SPRED2: variants seen among roughly 807,000 people sequenced by gnomAD.
SPRED2 encodes sprouty-related, EVH1 domain-containing protein 2.
A neutral mutation model predicts 43.0 loss-of-function variants in SPRED2; 47 were observed. That is an observed-to-expected ratio of 1.09 (90% CI 0.87 to 1.40). The LOEUF (loss-of-function observed/expected upper bound fraction) is 1.40. Among genes scored for constraint, SPRED2 ranks in the 40% most tolerant of loss-of-function variants. The probability of loss-of-function intolerance (pLI) is 0.00; values close to 1 mark genes in which losing one functional copy is unlikely to be tolerated. For missense variants in SPRED2, 561 were observed against 586.4 expected (o/e 0.96, Z 0.45); for synonymous variants, 225 against 225.7 (o/e 1.00, Z 0.03).
chr2:65,401,933 G>GCA (rs141434693), intron 1 of SPRED2, among the ~76,000 whole-genome samples: 3,940 of 83,584 alleles, frequency 0.047, 105 homozygotes, highest in South Asian at 0.11. Context: ...ATTAGCGCGC[G>GCA]CGCGCACACA....
At chr2:65,345,712 G>T (rs1036617817) in intron 1 of SPRED2, among the ~76,000 whole-genome samples, 1 of 152,190 alleles carries the variant, frequency 6.6e-6, no homozygotes, top group Admixed American at 6.5e-5. Context: ...ATGAAATCAC[G>T]TATCTAGGTA....
At chr2:65,401,006 C>G (rs1318715271) in intron 1 of SPRED2, among the ~76,000 whole-genome samples, 1 of 152,086 alleles carries the variant, frequency 6.6e-6, no homozygotes, top group Non-Finnish European at 1.5e-5. Context: ...CTCACTCTGT[C>G]GCCTAGGCTG....
chr2:65,314,125 G>A lies in SPRED2; in HGVS notation c.633C>T (p.Asp211=), dbSNP rs1417956360. 4.4e-6 allele frequency: 7 copies of A among 1,605,276 alleles called. No homozygotes were observed. Among genetic ancestry groups the A allele is most frequent in the Non-Finnish European group, 6.0e-6 (7 of 1,172,736 alleles). The change falls in exon 6 of 6, where the codon GAC becomes GAT. Residue 211 remains aspartate, a synonymous_variant. Coordinates refer to ENST00000356388, the MANE Select transcript of SPRED2 (RefSeq NM_181784.3). Reference sequence around the variant, plus strand: ...GGGGGTTGATGCGCACGATCTCCTCGTCGTCGTCCGGGAAGCTCACCTGGC... The same window carrying A: ...GGGGGTTGATGCGCACGATCTCCTCATCGTCGTCCGGGAAGCTCACCTGGC... ...PYRQVSFPDD[D]EEIVRINPRE...
intron 1 of SPRED2, among the ~76,000 whole-genome samples, chr2:65,354,243 T>A (rs1674585411): frequency 6.6e-6 from 1 of 152,192 alleles, no homozygotes; most frequent in Non-Finnish European, 1.5e-5. Context: ...GAGCTTCTAG[T>A]GCCCCCATCA....
intron 4 of SPRED2, among the ~76,000 whole-genome samples, chr2:65,329,747 C>T (rs537469352): frequency 4.4e-4 from 67 of 152,304 alleles, no homozygotes; most frequent in South Asian, 2.3e-3. Flanking sequence ...CCTTTTAACC[C>T]GCCTGCTGTT....
At chr2:65,386,559 T>C (rs1572886401) in intron 1 of SPRED2, among the ~76,000 whole-genome samples, 1 of 152,258 alleles carries the variant, frequency 6.6e-6, no homozygotes, top group Non-Finnish European at 1.5e-5. Context: ...CTTCTGATTA[T>C]GCAACACCCA....
At chr2:65,349,875 A>G (rs1674460319) in intron 1 of SPRED2, among the ~76,000 whole-genome samples, 2 of 152,356 alleles carry the variant, frequency 1.3e-5, no homozygotes, top group South Asian at 4.1e-4. Context: ...GGGGAGGCTC[A>G]GGGGCAGAAG....
At chr2:65,340,663 T>C (rs1250345552) in intron 2 of SPRED2, among the ~76,000 whole-genome samples, 1 of 152,204 alleles carries the variant, frequency 6.6e-6, no homozygotes, top group African/African-American at 2.4e-5. Flanking sequence ...TACTCGTGAA[T>C]GGTTGTCTGG....
At chr2:65,410,014 G>A in intron 1 of SPRED2, among the ~76,000 whole-genome samples, 1 of 147,700 alleles carries the variant, frequency 6.8e-6, no homozygotes, top group African/African-American at 2.5e-5. Context: ...TGGTAACAGA[G>A]TGAGACTCTG....
chr2:65,432,086 T>C lies in SPRED2; in HGVS notation c.-99A>G. ...CTTCTTCACATCTCCGGAGATCGCC[T>C]GATTTGGGGAGGGGGGGCGGCTAGA... On this transcript the variant is annotated 5_prime_UTR_variant, in exon 1 of 6. Coordinates refer to ENST00000356388, the MANE Select transcript of SPRED2 (RefSeq NM_181784.3). 2 of 1,492,678 alleles carry C rather than the reference T, an allele frequency of 1.3e-6. No individual in the cohort carries two copies. Among genetic ancestry groups the C allele is most frequent in the South Asian group, 2.3e-5 (2 of 87,020 alleles). 92.5% of individuals were successfully genotyped at this position (1,492,678 alleles called of 1,614,324 possible).
At chr2:65,404,016 C>T (rs1458932685) in intron 1 of SPRED2, among the ~76,000 whole-genome samples, 1 of 152,056 alleles carries the variant, frequency 6.6e-6, no homozygotes, top group Non-Finnish European at 1.5e-5. Context: ...ACCAGCCTGG[C>T]TAACATGGTG....
At chr2:65,422,104 A>ACACACACACACACTCTCTCT (rs1299857849) in intron 1 of SPRED2, among the ~76,000 whole-genome samples, 10 of 129,032 alleles carry the variant, frequency 7.8e-5, no homozygotes, top group East Asian at 4.4e-4. Flanking sequence ...ACACACACAC[A>ACACACACACACACTCTCTCT]CTCTCTCTCT....
intron 1 of SPRED2, among the ~76,000 whole-genome samples, chr2:65,412,214 T>C (rs1344657995): frequency 6.6e-6 from 1 of 151,796 alleles, no homozygotes; most frequent in Non-Finnish European, 1.5e-5. Context: ...TCTCAAACTG[T>C]GGATGTAGGC....
At chr2:65,341,834 G>A (rs1674193638) in intron 2 of SPRED2, among the ~76,000 whole-genome samples, 3 of 151,876 alleles carry the variant, frequency 2.0e-5, no homozygotes, top group African/African-American at 7.3e-5. Context: ...AAAAACATAA[G>A]CCTTCAGACA....
chr2:65,366,668 G>A (rs934684317), intron 1 of SPRED2: 8 of 1,542,908 alleles, frequency 5.2e-6, no homozygotes, highest in Admixed American at 2.0e-5. Flanking sequence ...TAAAGCTTCC[G>A]ATAAAAATGG....
At position 65,360,912 on chromosome 2, in the gene SPRED2, G is replaced by C. The variant is rs1674796166; in HGVS notation, c.27-16016C>G. On this transcript the variant is annotated intron_variant, in intron 1 of 5. Transcript: ENST00000356388. ...AAGAACCCCAAATTTAGAAATGTTG[G>C]GTTTAGCTTAGGAGCATTTCTGCAG... Among the ~76,000 whole-genome samples the C allele has an allele frequency of 2.0e-5, 3 of 152,130 alleles. No homozygotes were observed. In the South Asian group the frequency reaches 6.2e-4, roughly 32 times the overall value.
At chr2:65,308,729 C>T (rs1202326731), downstream of SPRED2, among the ~76,000 whole-genome samples, 2 of 152,230 alleles carry the variant, frequency 1.3e-5, no homozygotes, top group Non-Finnish European at 2.9e-5. Flanking sequence ...AAGGTGAAGT[C>T]ACTTGCCCAA....
chr2:65,417,606 G>T (rs138915885), intron 1 of SPRED2, among the ~76,000 whole-genome samples: 114 of 152,244 alleles, frequency 7.5e-4, no homozygotes, highest in African/African-American at 2.7e-3. Context: ...CCTATCTCCT[G>T]AGGGTTCAGT....
At chr2:65,396,054 C>T (rs1233743399) in intron 1 of SPRED2, among the ~76,000 whole-genome samples, 1 of 152,158 alleles carries the variant, frequency 6.6e-6, no homozygotes, top group African/African-American at 2.4e-5. Flanking sequence ...TGAGCCTTCT[C>T]GGGCAAGTTA....
Sources: gnomAD v4.1 joint callset for allele counts (sites outside exome capture counted in the v4.1 genomes callset) on GRCh38, gnomAD v4.1.1 for gene constraint, MANE v1.5 for transcripts, NCBI Gene and HGNC (gene_info 2026-07-23, HGNC 2026-07-21) for gene names.